TMEM74: variants seen among roughly 807,000 people sequenced by gnomAD.
TMEM74 encodes the protein transmembrane protein 74.
In TMEM74, 13 loss-of-function variants were observed where a neutral mutation model predicts 18.1. The observed-to-expected ratio is 0.72, with a 90% CI of 0.47 to 1.14. The LOEUF (loss-of-function observed/expected upper bound fraction) is 1.14. Among genes scored for constraint, TMEM74 ranks in the 50% most tolerant of loss-of-function variants. TMEM74 has a pLI of 0.00. For missense variants in TMEM74, 372 were observed against 375.9 expected (o/e 0.99, Z 0.09); for synonymous variants, 159 against 146.6 (o/e 1.08, Z -0.61).
intron 1 of TMEM74, among the ~76,000 whole-genome samples, chr8:108,752,448 C>T (rs1448033868): frequency 2.0e-5 from 3 of 152,056 alleles, no homozygotes; most frequent in Admixed American, 2.0e-4. Flanking sequence ...TAAATGTAGT[C>T]CTTGGTCAAA....
intron 2 of TMEM74, among the ~76,000 whole-genome samples, chr8:108,643,219 G>C (rs1486558218): frequency 6.6e-6 from 1 of 152,134 alleles, no homozygotes; most frequent in Non-Finnish European, 1.5e-5. Flanking sequence ...TAAAAACACA[G>C]ATTGCTGTAC....
chr8:108,658,361 T>G (rs999482651), intron 1 of TMEM74, among the ~76,000 whole-genome samples: 1 of 152,060 alleles, frequency 6.6e-6, no homozygotes, highest in Non-Finnish European at 1.5e-5. Context: ...CCTTATTATA[T>G]TTGCTTTCTT....
intron 1 of TMEM74, among the ~76,000 whole-genome samples, chr8:108,737,460 C>T (rs1005760977): frequency 1.4e-4 from 21 of 152,094 alleles, no homozygotes; most frequent in Admixed American, 1.4e-3. Flanking sequence ...CTGGTTCATG[C>T]ATTATTTAAA....
chr8:108,624,809 C>T (rs912146912), intron 2 of TMEM74, among the ~76,000 whole-genome samples: 7 of 152,044 alleles, frequency 4.6e-5, no homozygotes, highest in Admixed American at 2.0e-4. Flanking sequence ...TGTATAGGAA[C>T]TGTGTGTCTA....
At chr8:108,743,167 GT>G (rs1329826870) in intron 1 of TMEM74, among the ~76,000 whole-genome samples, 1 of 152,212 alleles carries the variant, frequency 6.6e-6, no homozygotes, top group South Asian at 2.1e-4. Context: ...CCAGGAGGTG[GT>G]TTTTCTCAGT....
intron 1 of TMEM74, among the ~76,000 whole-genome samples, chr8:108,745,015 A>G (rs1311193119): frequency 6.6e-6 from 1 of 152,192 alleles, no homozygotes; most frequent in Non-Finnish European, 1.5e-5. Context: ...GATAGTAACC[A>G]CATTTAGAGC....
chr8:108,724,423 T>C (rs1341841201), intron 1 of TMEM74, among the ~76,000 whole-genome samples: 1 of 152,208 alleles, frequency 6.6e-6, no homozygotes, highest in African/African-American at 2.4e-5. Context: ...AGTTGGATTT[T>C]GTATGGCTAG....
At chr8:108,608,311 A>G (rs1198937430) in intron 3 of TMEM74, among the ~76,000 whole-genome samples, 2 of 95,464 alleles carry the variant, frequency 2.1e-5, no homozygotes, top group Admixed American at 2.1e-4. Flanking sequence ...AAAAAAAAAA[A>G]AAAGAAAAAA....
At chr8:108,617,445 T>G (rs1812396016) in intron 2 of TMEM74, among the ~76,000 whole-genome samples, 1 of 152,094 alleles carries the variant, frequency 6.6e-6, no homozygotes, top group African/African-American at 2.4e-5. Context: ...ATGCTTTTGA[T>G]TCTGGGGTGT....
intron 1 of TMEM74, among the ~76,000 whole-genome samples, chr8:108,676,099 G>A (rs2130594296): frequency 6.6e-6 from 1 of 152,258 alleles, no homozygotes; most frequent in East Asian, 1.9e-4. Flanking sequence ...GGATATTCAA[G>A]GGGAGTATTT....
intron 1 of TMEM74, among the ~76,000 whole-genome samples, chr8:108,768,333 T>C (rs542387111): frequency 3.9e-5 from 6 of 152,300 alleles, no homozygotes; most frequent in African/African-American, 1.2e-4. Context: ...GTTTCTCTCT[T>C]CGACATCCTA....
chr8:108,717,437 G>C (rs2130628034), intron 1 of TMEM74, among the ~76,000 whole-genome samples: 1 of 152,046 alleles, frequency 6.6e-6, no homozygotes, highest in Non-Finnish European at 1.5e-5. Flanking sequence ...CTTGGTACTG[G>C]GGATACAGCA....
chr8:108,653,735 ACT>A (rs992378344), intron 2 of TMEM74, among the ~76,000 whole-genome samples: 5 of 152,056 alleles, frequency 3.3e-5, no homozygotes, highest in African/African-American at 1.2e-4. Flanking sequence ...TGATTCATTT[ACT>A]CTGTTGTGCT....
At chr8:108,786,829 G>C (rs1028609507) in intron 1 of TMEM74, among the ~76,000 whole-genome samples, 1 of 152,120 alleles carries the variant, frequency 6.6e-6, no homozygotes, top group African/African-American at 2.4e-5. Flanking sequence ...AGGGTTCTTT[G>C]AGACTTTCAG....
intron 1 of TMEM74, among the ~76,000 whole-genome samples, chr8:108,676,222 G>A (rs1487034297): frequency 6.6e-6 from 1 of 152,070 alleles, no homozygotes; most frequent in Non-Finnish European, 1.5e-5. Context: ...GGTCACTTCT[G>A]GGGACTTTAT....
In TMEM74 at chr8:108,699,709, C is replaced by T. The variant is rs139292950; in HGVS notation, n.120-44272G>A. Among the ~76,000 whole-genome samples, 270 of 152,284 alleles carry T rather than the reference C, an allele frequency of 1.8e-3. 2 individuals are homozygous for T. The highest frequency in any genetic ancestry group is 6.1e-3 in the African/African-American group (253 of 41,564). On this transcript the variant is annotated intron_variant and non_coding_transcript_variant, in intron 1 of 3. Coordinates refer to the TMEM74 transcript ENST00000518838. ...TGCTGTACAATGCCTATTAGATGCA[C>T]AGTGGTCTTAAGCACTTAAAATATT...
At chr8:108,760,921 C>T (rs995464305) in intron 1 of TMEM74, among the ~76,000 whole-genome samples, 2 of 151,888 alleles carry the variant, frequency 1.3e-5, no homozygotes, top group African/African-American at 4.8e-5. Flanking sequence ...AAAGGGCCTC[C>T]TCTAATTGCA....
chr8:108,679,797 G>A (rs914452245), intron 1 of TMEM74, among the ~76,000 whole-genome samples: 2 of 152,076 alleles, frequency 1.3e-5, no homozygotes, highest in Non-Finnish European at 2.9e-5. Flanking sequence ...ATTGCTTTTG[G>A]TGTTTTAGAC....
intron 1 of TMEM74, among the ~76,000 whole-genome samples, chr8:108,771,326 G>T (rs562795918): frequency 2.0e-5 from 3 of 152,060 alleles, no homozygotes; most frequent in Admixed American, 6.5e-5. Flanking sequence ...AATTAAATGA[G>T]TTAATATTTG....
Sources: allele counts gnomAD v4.1 joint callset (sites outside exome capture counted in the v4.1 genomes callset), GRCh38; gene constraint gnomAD v4.1.1; transcripts MANE v1.5; gene names NCBI Gene and HGNC (gene_info 2026-07-23, HGNC 2026-07-21).